Variants in SYN2 observed in about 807,000 individuals in gnomAD.
SYN2 encodes the protein synapsin II, also known as synapsin-2.
In SYN2, 19 loss-of-function variants were observed where a neutral mutation model predicts 50.9. The observed-to-expected ratio is 0.37, with a 90% confidence interval of 0.26 to 0.55. The LOEUF (loss-of-function observed/expected upper bound fraction) is 0.55, where lower values mean the gene tolerates loss of function less well. SYN2 is among the 20% of genes least tolerant of loss of function. The pLI is 0.81. For synonymous variants in SYN2, 255 were observed against 224.9 expected, an observed-to-expected ratio of 1.13 and a Z score of -1.20; for missense variants, 587 against 576.4, an observed-to-expected ratio of 1.02 and a Z score of -0.19.
intron 10 of SYN2, among the ~76,000 whole-genome samples, chr3:12,177,754 C>T (rs1698115585): frequency 1.3e-5 from 2 of 152,210 alleles, no homozygotes; most frequent in African/African-American, 4.8e-5. Context: ...TATTCTGGGA[C>T]TGTCTTAACT....
chr3:12,120,593 A>G (rs1696534361), intron 1 of SYN2, among the ~76,000 whole-genome samples: 1 of 152,204 alleles, frequency 6.6e-6, no homozygotes, highest in Non-Finnish European at 1.5e-5. Context: ...GCCAAATGCC[A>G]TGGCCAGGTG....
chr3:12,061,252 G>T (rs1371127979), intron 1 of SYN2, among the ~76,000 whole-genome samples: 1 of 152,064 alleles, frequency 6.6e-6, no homozygotes, highest in Non-Finnish European at 1.5e-5. Flanking sequence ...GGTATAAGAT[G>T]TGCAATTATA....
At chr3:12,181,802 C>G (rs919534223) in intron 10 of SYN2, among the ~76,000 whole-genome samples, 11 of 151,810 alleles carry the variant, frequency 7.2e-5, no homozygotes, top group Admixed American at 6.6e-4. Context: ...GATGGTGACT[C>G]AGATACCAGG....
At chr3:12,021,140 A>G (rs1559388236) in intron 1 of SYN2, among the ~76,000 whole-genome samples, 1 of 152,192 alleles carries the variant, frequency 6.6e-6, no homozygotes, top group East Asian at 1.9e-4. Context: ...GATTTCTTCA[A>G]TTTATAATTC....
chr3:12,186,451 G>A (rs1215020787), intron 11 of SYN2, among the ~76,000 whole-genome samples: 1 of 152,206 alleles, frequency 6.6e-6, no homozygotes, highest in African/African-American at 2.4e-5. Context: ...AGGAGGGTGT[G>A]CTGTTCCTTT....
At chr3:12,136,093 A>T (rs577968660) in intron 1 of SYN2, among the ~76,000 whole-genome samples, 1 of 152,334 alleles carries the variant, frequency 6.6e-6, no homozygotes, top group South Asian at 2.1e-4. Context: ...GTATCAGATG[A>T]TGATGCTGTG....
intron 1 of SYN2, among the ~76,000 whole-genome samples, chr3:12,085,134 T>C (rs1695666182): frequency 6.7e-6 from 1 of 149,636 alleles, no homozygotes; most frequent in Admixed American, 6.7e-5. Flanking sequence ...ATATGTTGCC[T>C]ACAAGAGACT....
chr3:12,070,709 G>C, intron 1 of SYN2: 3 of 1,009,936 alleles, frequency 3.0e-6, no homozygotes, highest in Non-Finnish European at 4.4e-6. Flanking sequence ...CCTGGAGATG[G>C]GGTCACTCAT....
chr3:12,143,680 G>T, intron 3 of SYN2, among the ~76,000 whole-genome samples: 1 of 152,074 alleles, frequency 6.6e-6, no homozygotes, highest in East Asian at 1.9e-4. Context: ...TCTTCATCCA[G>T]TCATCCACTG....
intron 1 of SYN2, among the ~76,000 whole-genome samples, chr3:12,088,401 CA>C (rs1175346667): frequency 6.6e-6 from 1 of 152,042 alleles, no homozygotes; most frequent in Admixed American, 6.6e-5. Flanking sequence ...ACCAAAAAGA[CA>C]AAAGATAAGT....
At chr3:12,129,719 C>T (rs1204801578) in intron 1 of SYN2, among the ~76,000 whole-genome samples, 9 of 152,072 alleles carry the variant, frequency 5.9e-5, no homozygotes, top group African/African-American at 2.2e-4. Context: ...TCCTTGTTCC[C>T]TTAAGTCCCA....
At chr3:12,030,506 C>G (rs1694359784) in intron 1 of SYN2, among the ~76,000 whole-genome samples, 1 of 150,966 alleles carries the variant, frequency 6.6e-6, no homozygotes, top group Non-Finnish European at 1.5e-5. Flanking sequence ...TCCATCTGGT[C>G]CTTGACTCTT....
At chr3:12,080,266 T>G (rs1695558536) in intron 1 of SYN2, among the ~76,000 whole-genome samples, 1 of 152,154 alleles carries the variant, frequency 6.6e-6, no homozygotes, top group African/African-American at 2.4e-5. Context: ...TTCATTGATT[T>G]TTTTTTTTTG....
intron 1 of SYN2, among the ~76,000 whole-genome samples, chr3:12,030,462 C>T (rs1358060908): frequency 6.9e-6 from 1 of 145,842 alleles, no homozygotes; most frequent in Non-Finnish European, 1.5e-5. Flanking sequence ...GGTACCAGTT[C>T]CTCCTTGTAC....
At chr3:12,080,433 G>A (rs542034012) in intron 1 of SYN2, among the ~76,000 whole-genome samples, 22 of 151,650 alleles carry the variant, frequency 1.5e-4, no homozygotes, top group African/African-American at 5.1e-4. Context: ...TTTTGATGTG[G>A]GCATTAATGC....
At chr3:12,153,192 G>A (rs916501680) in intron 5 of SYN2, 5 of 417,440 alleles carry the variant, frequency 1.2e-5, no homozygotes, top group Non-Finnish European at 2.3e-5. Context: ...CTACCAGATC[G>A]ATTAAGACAA....
At chr3:12,083,132 C>G (rs969274921) in intron 1 of SYN2, among the ~76,000 whole-genome samples, 1 of 152,190 alleles carries the variant, frequency 6.6e-6, no homozygotes, top group African/African-American at 2.4e-5. Context: ...CTGCCTCAGC[C>G]TCCTGAGTAG....
chr3:12,159,188 A>C, intron 5 of SYN2: 4 of 277,362 alleles, frequency 1.4e-5, no homozygotes, highest in Non-Finnish European at 1.4e-5. Flanking sequence ...ACAAAGACAA[A>C]TGCATGAGGA....
intron 4 of SYN2, 131 bp downstream of exon 4, chr3:12,145,966 G>A: frequency 7.7e-7 from 1 of 1,303,808 alleles, no homozygotes; most frequent in African/African-American, 1.5e-5. Context: ...AGGCCCCTAG[G>A]AGGGTCCTCA....
Sources: gnomAD v4.1 joint callset for allele counts (sites outside exome capture counted in the v4.1 genomes callset) on GRCh38, gnomAD v4.1.1 for gene constraint, MANE v1.5 for transcripts, NCBI Gene and HGNC (gene_info 2026-07-23, HGNC 2026-07-21) for gene names.